LBHD1: variants seen among roughly 807,000 people sequenced by gnomAD.
LBHD1 encodes LBH domain-containing protein 1.
In LBHD1, 28 loss-of-function variants were observed where a neutral mutation model predicts 31.1. The ratio of observed to expected loss-of-function variants is 0.90; its 90% CI spans 0.67 to 1.24. LBHD1 has a LOEUF of 1.24. LBHD1 is among the 50% of genes most tolerant of loss of function. The pLI is 0.00. For synonymous variants in LBHD1, 105 were observed against 116.5 expected, an observed-to-expected ratio of 0.90 and a Z score of 0.63; for missense variants, 350 against 323.0, an observed-to-expected ratio of 1.08 and a Z score of -0.64.
At chr11:62,665,385 G>C (rs753686168) in intron 4 of LBHD1, 1 of 1,149,106 alleles carries the variant, frequency 8.7e-7, no homozygotes, top group African/African-American at 1.5e-5. Context: ...GAGTGGTGGG[G>C]GTGCCGGGTG....
chr11:62,669,263 T>C, intron 3 of LBHD1: 1 of 445,600 alleles, frequency 2.2e-6, no homozygotes, highest in Non-Finnish European at 3.0e-6. Flanking sequence ...CAGGAAAAGA[T>C]AAAATTACCC....
At chr11:62,668,951 C>T (rs1229840174) in intron 3 of LBHD1, among the ~76,000 whole-genome samples, 3 of 151,394 alleles carry the variant, frequency 2.0e-5, no homozygotes, top group Non-Finnish European at 4.4e-5. Context: ...TTTTTTGAGG[C>T]AGAATCTGGC....
intron 4 of LBHD1, chr11:62,666,890 C>T: frequency 6.2e-7 from 1 of 1,614,138 alleles, no homozygotes; most frequent in Non-Finnish European, 8.5e-7. Flanking sequence ...CTTGAGGGTT[C>T]TAAACCCTCA....
intron 5 of LBHD1, 30 bp downstream of exon 5, chr11:62,664,819 C>G (rs1230236238): frequency 3.2e-6 from 5 of 1,552,502 alleles, no homozygotes; most frequent in Non-Finnish European, 4.4e-6. Context: ...TCGGTGGGGA[C>G]GACCAACAGG....
At chr11:62,667,337 C>T in intron 4 of LBHD1, 186 bp downstream of exon 4, 1 of 668,540 alleles carries the variant, frequency 1.5e-6, no homozygotes, top group Non-Finnish European at 2.6e-6. Flanking sequence ...TTTCAACTAA[C>T]TGGAGCTCCT....
rs1335182775 is a variant in LBHD1, at chr11:62,667,711, A to G, written c.350T>C (p.Leu117Ser). The G allele has an allele frequency of 6.2e-7, 1 of 1,613,914 alleles. No individual in the cohort carries two copies. The highest frequency in any genetic ancestry group is 1.1e-5 in the South Asian group (1 of 91,088). ...GCTGAGTCCAGCGTTAAATGTTCTT[A>G]AAGGACTTCTAGGGTCCTGTGGGCT... ...AWSPQDPRSP[L>S]RTFNAGLSWG... Residue 117 changes from leucine to serine, a missense_variant, in exon 4 of 7, where the codon TTA becomes TCA. Physicochemically the swap from Leu to Ser is moderately radical, Grantham distance 145. Coordinates refer to ENST00000354588, the MANE Select transcript of LBHD1 (RefSeq NM_024099.5).
intron 3 of LBHD1, 96 bp downstream of exon 3, chr11:62,669,545 G>C: frequency 6.6e-7 from 1 of 1,522,918 alleles, no homozygotes; most frequent in Non-Finnish European, 8.8e-7. Flanking sequence ...TGTGTGCCTG[G>C]CACTGCTGAA....
chr11:62,664,869 C>A lies in LBHD1; in HGVS notation c.643G>T (p.Ala215Ser), dbSNP rs1361286548. Residue 215 changes from alanine to serine, a missense_variant, in exon 5 of 7, where the codon GCA becomes TCA. Ala to Ser is a moderately conservative substitution (Grantham distance 99). Coordinates refer to ENST00000354588, the MANE Select transcript of LBHD1 (RefSeq NM_024099.5). ...CTTACGCCCGCTTCTTGAGGTGGTGCCGCGTGATCAGCCCTTGGTCTATCA... is the reference window on the plus strand; with the variant it reads ...CTTACGCCCGCTTCTTGAGGTGGTGACGCGTGATCAGCCCTTGGTCTATCA... ...GCDRPRADHA[A>S]PPQEAGVQCT... 4.4e-6 allele frequency: 7 copies of A among 1,575,214 alleles called. No individual in the cohort carries two copies. The East Asian group carries it at 1.4e-4, about 32-fold the overall frequency.
In LBHD1 at chr11:62,665,947, G is replaced by GT. The variant is rs752851660; in HGVS notation, c.539-975dup. The GT allele has an allele frequency of 5.8e-5, 94 of 1,611,062 alleles. No individual in the cohort carries two copies. In the African/African-American group the frequency reaches 1.2e-3, roughly 21 times the overall value. ...ATGGGGACGTGCCGCCCCTTTGCGG[G>GT]TAGGGAGGTGGGGGCAGAGTGGAGA... On this transcript the variant is annotated intron_variant, in intron 4 of 6. Coordinates refer to ENST00000354588, the MANE Select transcript of LBHD1 (RefSeq NM_024099.5).
At position 62,665,228 on chromosome 11, in the gene LBHD1, G is replaced by A; in HGVS notation, c.539-255C>T. On this transcript the variant is annotated intron_variant, in intron 4 of 6. Transcript: ENST00000354588. ...TTCCGCTCAGCGCCGGATCCGCGGGGCTCCGCCCCGGCCTTCCGCGGGCCA... is the reference window on the plus strand; with the variant it reads ...TTCCGCTCAGCGCCGGATCCGCGGGACTCCGCCCCGGCCTTCCGCGGGCCA... 13 of 775,800 alleles carry A rather than the reference G, an allele frequency of 1.7e-5. No homozygotes were observed. The South Asian group carries it at 1.9e-4, about 11-fold the overall frequency. 48.1% of individuals were successfully genotyped at this position (775,800 alleles called of 1,614,324 possible). A position where few individuals can be genotyped will look rare whatever the true frequency, so the allele number is the denominator to read the frequency against.
Position 62,671,995 on chromosome 11 carries a change from A to C in LBHD1, c.-442T>G, listed in dbSNP as rs753944461. The C allele has an allele frequency of 1.9e-6, 3 of 1,613,794 alleles. No individual in the cohort carries two copies. The African/African-American group carries it at 4.0e-5, about 22-fold the overall frequency. On this transcript the variant is annotated 5_prime_UTR_variant, in exon 1 of 7. Transcript: ENST00000354588. ...CCCAAGGAGCAGGGAGGAGGCGGCC[A>C]GGACCCAGCAGCTATTGCTGGCCAC...
chr11:62,665,338 T>C (rs912279227), intron 4 of LBHD1: 17 of 763,374 alleles, frequency 2.2e-5, no homozygotes, highest in Admixed American at 7.1e-5. Flanking sequence ...AGCTAGTAAG[T>C]GTGGTTTTAG....
intron 1 of LBHD1, 117 bp downstream of exon 1, chr11:62,671,447 C>G: frequency 7.7e-7 from 1 of 1,306,472 alleles, no homozygotes; most frequent in Non-Finnish European, 9.9e-7. Flanking sequence ...CCCACGGCAA[C>G]CATGAAGACA....
In LBHD1 at chr11:62,663,298, T is replaced by C. The variant is rs757661005; in HGVS notation, c.699A>G (p.Glu233=). 23 of 1,614,076 alleles carry C rather than the reference T, an allele frequency of 1.4e-5. No individual in the cohort carries two copies. In the South Asian group the frequency reaches 2.1e-4, roughly 15 times the overall value. The stretch of plus-strand genomic sequence containing the variant: ...CTGCTGGAGGAGTTTTCTGCGCTTC[T>C]TCCCTGACAGTGTAATGTTGGCACG... ...QCTCQHYTVR[E]EAQKTPPADP... is the part of the protein sequence containing the mutation. Residue 233 remains glutamate (E), a synonymous_variant, in exon 6 of 7, where the codon GAA becomes GAG. Transcript: ENST00000354588.
intron 4 of LBHD1, chr11:62,665,677 T>A: frequency 4.1e-6 from 6 of 1,460,604 alleles, no homozygotes; most frequent in Non-Finnish European, 5.4e-6. Context: ...CTCCTCCACT[T>A]CCCGCTGCAG....
At chr11:62,668,835 C>A (rs1454435552) in intron 3 of LBHD1, among the ~76,000 whole-genome samples, 2 of 150,946 alleles carry the variant, frequency 1.3e-5, no homozygotes, top group Non-Finnish European at 3.0e-5. Context: ...AACAAACAAA[C>A]AAAAAAACAG....
Position 62,665,219 on chromosome 11 carries a change from A to C in LBHD1, c.539-246T>G, listed in dbSNP as rs576165372. ...GGTCCGTACTTCCGCTCAGCGCCGG[A>C]TCCGCGGGGCTCCGCCCCGGCCTTC... On this transcript the variant is annotated intron_variant, in intron 4 of 6. Transcript: ENST00000354588. 8.9e-4 allele frequency: 702 copies of C among 786,816 alleles called. 3 individuals carry two copies. In the African/African-American group the frequency reaches 0.011, roughly 12 times the overall value. The allele number at this position is 786,816 out of a possible 1,614,324, so 48.7% of individuals were successfully genotyped here.
chr11:62,666,201 A>G (rs1236155948), intron 4 of LBHD1: 1 of 721,360 alleles, frequency 1.4e-6, no homozygotes, highest in Non-Finnish European at 2.3e-6. Flanking sequence ...TTAACCGGGC[A>G]CGATGGCGCC....
In LBHD1 at chr11:62,663,048, G is replaced by A. The variant is rs769081916; in HGVS notation, c.*81C>T. On this transcript the variant is annotated 3_prime_UTR_variant, in exon 7 of 7. Transcript: ENST00000354588. ...AGTTGAGAATCTTCTAGTGGAAGAG[G>A]TTTAGCTCTCATCTTCAAGGTCCTT... The A allele has an allele frequency of 1.9e-6, 3 of 1,574,438 alleles. No homozygotes were observed. The highest frequency in any genetic ancestry group is 2.6e-6 in the Non-Finnish European group (3 of 1,146,368).
Sources: allele counts gnomAD v4.1 joint callset (sites outside exome capture counted in the v4.1 genomes callset), GRCh38; gene constraint gnomAD v4.1.1; transcripts MANE v1.5; gene names NCBI Gene and HGNC (gene_info 2026-07-23, HGNC 2026-07-21).